Variants in SSH2 observed in about 807,000 individuals in gnomAD.
The protein encoded by SSH2 is slingshot protein phosphatase 2, also known as protein phosphatase Slingshot homolog 2.
A neutral mutation model predicts 135.2 loss-of-function variants in SSH2; 37 were observed. The observed-to-expected ratio is 0.27, with a 90% CI of 0.21 to 0.36. SSH2 has a LOEUF of 0.36. Among genes scored for constraint, SSH2 ranks in the 10% least tolerant of loss-of-function variants. The probability of loss-of-function intolerance (pLI) is 1.00; values close to 1 mark genes in which losing one functional copy is unlikely to be tolerated. For missense variants in SSH2, 1,408 were observed against 1,765.3 expected (o/e 0.80, Z 3.63); for synonymous variants, 628 against 646.2 (o/e 0.97, Z 0.43).
In SSH2 at chr17:29,796,309, G is replaced by A. The variant is rs75555248; in HGVS notation, c.145-2372C>T. Among the ~76,000 whole-genome samples, 1,272 of 152,180 alleles carry A rather than the reference G, an allele frequency of 8.4e-3. 59 individuals carry two copies. In the East Asian group the frequency reaches 0.14, roughly 17 times the overall value. On this transcript the variant is annotated intron_variant, in intron 2 of 15. Coordinates refer to ENST00000540801, the MANE Select transcript of SSH2 (RefSeq NM_001282129.2). ...AATTGAAAGATCTTATAGCGAACTT[G>A]TATATCTACCATCTAGATTGTATCA...
At chr17:29,666,812 A>G in intron 11 of SSH2, 55 bp downstream of exon 11, 1 of 1,543,158 alleles carries the variant, frequency 6.5e-7, no homozygotes, top group South Asian at 1.2e-5. Flanking sequence ...ACCCCTGCCC[A>G]TGAGTCCATA....
intron 3 of SSH2, among the ~76,000 whole-genome samples, chr17:29,709,745 A>G (rs1179884999): frequency 6.6e-6 from 1 of 152,088 alleles, no homozygotes. Context: ...AACTCTTCTC[A>G]TTTTCCCCAC....
intron 6 of SSH2, among the ~76,000 whole-genome samples, chr17:29,678,686 C>T (rs1055570842): frequency 1.3e-5 from 2 of 149,388 alleles, no homozygotes; most frequent in Non-Finnish European, 3.0e-5. Context: ...AAGGGTAGCC[C>T]TAGTATGGTA....
chr17:29,923,186 A>T (rs1440696226), intron 1 of SSH2, among the ~76,000 whole-genome samples: 1 of 152,228 alleles, frequency 6.6e-6, no homozygotes, highest in Non-Finnish European at 1.5e-5. Context: ...CTGGGATTAC[A>T]GGTGTGAGCC....
intron 1 of SSH2, among the ~76,000 whole-genome samples, chr17:29,887,028 G>A (rs2066252059): frequency 6.6e-6 from 1 of 152,104 alleles, no homozygotes; most frequent in Non-Finnish European, 1.5e-5. Flanking sequence ...AAGATGAAAA[G>A]ATTGACCAGA....
intron 3 of SSH2, among the ~76,000 whole-genome samples, chr17:29,742,491 TTTTTTTTTTC>T (rs2040596909): frequency 6.8e-6 from 1 of 146,722 alleles, no homozygotes; most frequent in African/African-American, 2.5e-5. Context: ...GTTTTTTTTT[TTTTTTTTTTC>T]TTTTCAATTT....
chr17:29,772,201 T>C (rs2041600181), intron 3 of SSH2, among the ~76,000 whole-genome samples: 1 of 151,954 alleles, frequency 6.6e-6, no homozygotes, highest in Non-Finnish European at 1.5e-5. Flanking sequence ...AATGAGGAAA[T>C]TGAGGGCTAC....
chr17:29,696,111 A>G (rs2038716613), intron 4 of SSH2, among the ~76,000 whole-genome samples: 1 of 150,426 alleles, frequency 6.6e-6, no homozygotes, highest in East Asian at 2.0e-4. Context: ...TTTGAGATGG[A>G]GTCTCGCTGT....
At chr17:29,747,524 C>T (rs1363816294) in intron 3 of SSH2, among the ~76,000 whole-genome samples, 1 of 152,212 alleles carries the variant, frequency 6.6e-6, no homozygotes, top group South Asian at 2.1e-4. Flanking sequence ...TTATAAATTA[C>T]TGGCTACACC....
At chr17:29,706,342 C>T (rs993708302) in intron 3 of SSH2, among the ~76,000 whole-genome samples, 4 of 152,018 alleles carry the variant, frequency 2.6e-5, no homozygotes, top group African/African-American at 9.7e-5. Context: ...TGAAACACAC[C>T]TTCTAAAAAC....
At chr17:29,861,724 C>T (rs918224515) in intron 1 of SSH2, among the ~76,000 whole-genome samples, 2 of 152,084 alleles carry the variant, frequency 1.3e-5, no homozygotes, top group African/African-American at 2.4e-5. Context: ...CCACCATGCT[C>T]GGCTTTGTAT....
intron 14 of SSH2, chr17:29,641,535 G>C (rs924086718): frequency 2.0e-5 from 3 of 152,078 alleles, no homozygotes; most frequent in African/African-American, 7.2e-5. Flanking sequence ...ACATACATAA[G>C]GTGATGAGGT....
intron 1 of SSH2, chr17:29,928,312 A>T: frequency 2.6e-6 from 1 of 385,506 alleles, no homozygotes; most frequent in East Asian, 3.7e-5. Flanking sequence ...TTCCTATGAT[A>T]CTTGTCTTCA....
intron 5 of SSH2, among the ~76,000 whole-genome samples, chr17:29,689,517 G>A (rs2038374626): frequency 6.6e-6 from 1 of 152,084 alleles, no homozygotes; most frequent in Non-Finnish European, 1.5e-5. Context: ...CATTTTAATT[G>A]TCTAAACAAA....
chr17:29,879,097 T>C (rs1276882479), intron 1 of SSH2, among the ~76,000 whole-genome samples: 1 of 152,232 alleles, frequency 6.6e-6, no homozygotes, highest in Non-Finnish European at 1.5e-5. Context: ...TATATGGTTT[T>C]AAAATTCCAT....
intron 14 of SSH2, chr17:29,643,296 T>C (rs1185909198): frequency 1.2e-5 from 12 of 985,178 alleles, no homozygotes; most frequent in African/African-American, 1.7e-5. Context: ...CTAACAGCTA[T>C]ATATCCAACA....
At chr17:29,667,087 C>T (rs528505021) in intron 10 of SSH2, 43 bp downstream of exon 10, 4 of 1,603,708 alleles carry the variant, frequency 2.5e-6, no homozygotes, top group African/African-American at 1.3e-5. Flanking sequence ...TACTGTTATC[C>T]CACTGCTAGC....
At chr17:29,751,157 T>C (rs538051842) in intron 3 of SSH2, among the ~76,000 whole-genome samples, 1 of 152,342 alleles carries the variant, frequency 6.6e-6, no homozygotes, top group South Asian at 2.1e-4. Context: ...GGCTCATGCC[T>C]GTAATCCCAG....
In SSH2 at chr17:29,632,487, G is replaced by T; in HGVS notation, c.2707C>A (p.Arg903Ser). Residue 903 changes from arginine (R) to serine (S), a missense_variant, in exon 16 of 16, where the codon CGC becomes AGC. By Grantham distance (110) the Arg-to-Ser change is moderately radical. This residue lies in a region of SSH2 where 1,080 missense variants were observed against 1,144.5 expected (regional missense o/e 0.94). Coordinates refer to ENST00000540801, the MANE Select transcript of SSH2 (RefSeq NM_001282129.2). ...VRRATLEFEE[R>S]LRQEQEHHGA... ...TGATGCTCTTGCTCCTGCCGTAAGC[G>T]CTCTTCGAACTCCAAGGTGGCTCGC... is the stretch of plus-strand genomic sequence containing the variant. 6.2e-7 allele frequency: 1 copy of T among 1,614,138 alleles called. No individual in the cohort carries two copies. Among genetic ancestry groups the T allele is most frequent in the Non-Finnish European group, 8.5e-7 (1 of 1,180,012 alleles).
Sources: allele counts gnomAD v4.1 joint callset (sites outside exome capture counted in the v4.1 genomes callset), GRCh38; gene constraint gnomAD v4.1.1; regional missense constraint gnomAD v4.1.1; transcripts MANE v1.5; gene names NCBI Gene and HGNC (gene_info 2026-07-23, HGNC 2026-07-21).